The following PLS1 variants were observed in gnomAD, a reference collection of about 807,000 sequenced individuals.
PLS1 encodes the protein plastin 1.
Under a neutral mutation model 73.7 loss-of-function variants are expected in PLS1, and 32 were observed. The observed-to-expected ratio is 0.43, with a 90% CI of 0.33 to 0.58. The LOEUF (loss-of-function observed/expected upper bound fraction) is 0.58, where lower values mean the gene tolerates loss of function less well. Ranked by LOEUF, PLS1 falls within the 20% of genes least tolerant of loss-of-function variation. PLS1 has a pLI of 0.04. For synonymous variants in PLS1, 217 were observed against 261.3 expected (o/e 0.83, Z 1.63); for missense variants, 633 against 740.5 (o/e 0.85, Z 1.68).
chr3:142,666,299 T>C (rs1283260717), intron 2 of PLS1, among the ~76,000 whole-genome samples: 1 of 152,190 alleles, frequency 6.6e-6, no homozygotes, highest in Non-Finnish European at 1.5e-5. Flanking sequence ...TCCATATCCA[T>C]TAAACAATAA....
intron 1 of PLS1, among the ~76,000 whole-genome samples, chr3:142,632,624 G>C (rs6802774): frequency 0.6 from 90,740 of 150,576 alleles, 28,016 homozygotes; most frequent in African/African-American, 0.73. Flanking sequence ...CCTGAGACGG[G>C]GTCTTGTTCT....
chr3:142,660,533 C>T (rs1260252465), intron 1 of PLS1, among the ~76,000 whole-genome samples: 1 of 152,150 alleles, frequency 6.6e-6, no homozygotes, highest in Admixed American at 6.5e-5. Flanking sequence ...CCCTTGTAAT[C>T]GTATGGCTGA....
intron 14 of PLS1, 21 bp from the exon 15 acceptor site, chr3:142,711,480 C>A (rs1479775384): frequency 1.3e-6 from 2 of 1,533,122 alleles, no homozygotes; most frequent in South Asian, 1.2e-5. Context: ...TATGAATGTT[C>A]ATCTATGCTT....
At position 142,703,909 on chromosome 3, in the gene PLS1, G is replaced by A. The variant is rs769274082; in HGVS notation, c.1413G>A (p.Lys471=). 6.2e-7 allele frequency: 1 copy of A among 1,611,762 alleles called. No homozygotes were observed. The part of the protein sequence containing the change: ...CNYAVELGKN[K]AKFSLVGIAG... Reference sequence around the variant, plus strand: ...ATGCAGTGGAACTTGGGAAGAACAAGGCCAAATTCTCCTTGGTTGGCATTG... The same window carrying A: ...ATGCAGTGGAACTTGGGAAGAACAAAGCCAAATTCTCCTTGGTTGGCATTG... Residue 471 remains lysine, a synonymous_variant, in exon 13 of 16, where the codon AAG becomes AAA. Transcript: ENST00000457734.
At chr3:142,655,877 A>G (rs1483526777) in intron 1 of PLS1, among the ~76,000 whole-genome samples, 1 of 152,096 alleles carries the variant, frequency 6.6e-6, no homozygotes, top group East Asian at 1.9e-4. Context: ...GTGGGAAATT[A>G]TTTTATGTGT....
In PLS1 at chr3:142,687,222, TAAA is replaced by T. The variant is rs200366859; in HGVS notation, c.981+858_981+860del. On this transcript the variant is annotated intron_variant, in intron 9 of 15. Transcript: ENST00000457734. Reference sequence around the variant, plus strand: ...CTAACACTAACAATAGCTGATGAGCTAAAAAAAAAAAAAAGGTGCAAAAAAATC... The same window carrying T: ...CTAACACTAACAATAGCTGATGAGCTAAAAAAAAAAAGGTGCAAAAAAATC... Among the ~76,000 whole-genome samples the T allele has an allele frequency of 6.8e-3, 877 of 129,732 alleles. 15 individuals carry two copies. The highest frequency in any genetic ancestry group is 0.023 in the African/African-American group (832 of 35,896). The allele number at this position is 129,732 out of a possible 152,430, so 85.1% of individuals were successfully genotyped here. A position where few individuals can be genotyped will look rare whatever the true frequency, so the allele number is the denominator to read the frequency against.
intron 1 of PLS1, among the ~76,000 whole-genome samples, chr3:142,649,353 A>AAAAC (rs1318867932): frequency 6.7e-6 from 1 of 149,982 alleles, no homozygotes; most frequent in Non-Finnish European, 1.5e-5. Flanking sequence ...AAAAAAAAAA[A>AAAAC]GGCCAGGCAT....
intron 1 of PLS1, among the ~76,000 whole-genome samples, chr3:142,599,484 C>T (rs970498767): frequency 1.3e-4 from 19 of 151,716 alleles, no homozygotes; most frequent in African/African-American, 3.4e-4. Context: ...CGCCCGCCAC[C>T]GCGCCCGGCT....
rs545680026 is a variant in PLS1, at chr3:142,609,631, G to A, written c.-37+13122G>A. ...AGAAGCAGTTAAATCGTTTGCCAAA[G>A]TCTCTTCTGTAGAGATAGAAAAGTG... is the stretch of plus-strand genomic sequence containing the variant. On this transcript the variant is annotated intron_variant, in intron 1 of 15. Transcript: ENST00000457734. Among the ~76,000 whole-genome samples, 210 of 152,298 alleles carry A rather than the reference G, an allele frequency of 1.4e-3. 1 individual carries two copies. Among genetic ancestry groups the A allele is most frequent in the African/African-American group, 5.0e-3 (207 of 41,560 alleles).
intron 3 of PLS1, among the ~76,000 whole-genome samples, chr3:142,669,940 C>G (rs1008925591): frequency 5.3e-5 from 8 of 152,142 alleles, no homozygotes; most frequent in Non-Finnish European, 7.3e-5. Context: ...AGAAATTTTG[C>G]TAGGCACTGT....
At chr3:142,611,268 G>C (rs1188195228) in intron 1 of PLS1, among the ~76,000 whole-genome samples, 1 of 152,154 alleles carries the variant, frequency 6.6e-6, no homozygotes, top group African/African-American at 2.4e-5. Flanking sequence ...GTCAACCCCT[G>C]GTCTAGAATG....
Position 142,712,133 on chromosome 3 carries a change from T to C in PLS1, c.*126T>C, listed in dbSNP as rs1933158690. The C allele has an allele frequency of 2.3e-6, 2 of 854,102 alleles. No individual in the cohort carries two copies. The highest frequency in any genetic ancestry group is 1.7e-5 in the African/African-American group (1 of 59,060). 52.9% of individuals were successfully genotyped at this position (854,102 alleles called of 1,614,324 possible). A position where few individuals can be genotyped will look rare whatever the true frequency, so the allele number is the denominator to read the frequency against. On this transcript the variant is annotated 3_prime_UTR_variant, in exon 16 of 16. Coordinates refer to ENST00000457734, the MANE Select transcript of PLS1 (RefSeq NM_001145319.2). ...CTCAAAATAGTTATATATTCATTAA[T>C]GAATTCAATATCCTGTTCATACTAG...
intron 1 of PLS1, among the ~76,000 whole-genome samples, chr3:142,641,777 G>A (rs769598068): frequency 3.3e-5 from 5 of 152,088 alleles, no homozygotes; most frequent in Non-Finnish European, 7.4e-5. Context: ...GGTTTCTTTA[G>A]GGGAGATGGT....
intron 1 of PLS1, among the ~76,000 whole-genome samples, chr3:142,661,781 A>T (rs1396408763): frequency 6.6e-6 from 1 of 152,252 alleles, no homozygotes; most frequent in African/African-American, 2.4e-5. Flanking sequence ...CTAAGTGTTT[A>T]TGAGAAATAC....
In PLS1 at chr3:142,636,939, C is replaced by T. The variant is rs537228810; in HGVS notation, c.-36-27263C>T. ...ACGTGTTGGTGAATATGTGGAGGAA[C>T]GCGAAATCTCATACACTATTGATGG... On this transcript the variant is annotated intron_variant, in intron 1 of 15. Transcript: ENST00000457734. 1.5e-4 allele frequency among the ~76,000 whole-genome samples: 23 copies of T among 152,166 alleles called. 1 individual carries two copies. Among genetic ancestry groups the T allele is most frequent in the South Asian group, 8.3e-4 (4 of 4,820 alleles).
At chr3:142,641,954 G>A (rs1444780345) in intron 1 of PLS1, among the ~76,000 whole-genome samples, 3 of 151,960 alleles carry the variant, frequency 2.0e-5, no homozygotes. Flanking sequence ...ACTTTCTGCT[G>A]TGTTCAGGAT....
intron 1 of PLS1, among the ~76,000 whole-genome samples, chr3:142,599,178 G>GAATGAATGAATA (rs368006727): frequency 6.8e-6 from 1 of 146,988 alleles, no homozygotes; most frequent in African/African-American, 2.6e-5. Flanking sequence ...ATGAATGAAT[G>GAATGAATGAATA]AATAAATAAA....
chr3:142,707,492 G>T (rs2038487590), intron 14 of PLS1, among the ~76,000 whole-genome samples: 1 of 152,148 alleles, frequency 6.6e-6, no homozygotes, highest in Non-Finnish European at 1.5e-5. Context: ...TGAGCAAAAA[G>T]GTGAGCATTA....
intron 3 of PLS1, 69 bp downstream of exon 3, chr3:142,669,622 T>A: frequency 9.7e-7 from 1 of 1,034,792 alleles, no homozygotes; most frequent in Non-Finnish European, 1.4e-6. Context: ...ATGTCATCAC[T>A]AGCTTTGGTT....
Sources: allele counts gnomAD v4.1 joint callset (sites outside exome capture counted in the v4.1 genomes callset), GRCh38; gene constraint gnomAD v4.1.1; transcripts MANE v1.5; gene names NCBI Gene and HGNC (gene_info 2026-07-23, HGNC 2026-07-21).